NOL4: variants seen among roughly 807,000 people sequenced by gnomAD.
NOL4 encodes the protein nucleolar protein 4.
A neutral mutation model predicts 75.9 loss-of-function variants in NOL4; 17 were observed. The ratio of observed to expected loss-of-function variants is 0.22; its 90% CI spans 0.15 to 0.34. The LOEUF (loss-of-function observed/expected upper bound fraction) is 0.34. Among genes scored for constraint, NOL4 ranks in the 10% least tolerant of loss-of-function variants. The pLI, the probability that NOL4 is intolerant of heterozygous loss-of-function variation, is 1.00. For missense variants in NOL4, 614 were observed against 793.5 expected (o/e 0.77, Z 2.72); for synonymous variants, 292 against 289.9 (o/e 1.01, Z -0.07).
chr18:34,205,954 T>G (rs1343950253), intron 1 of NOL4, among the ~76,000 whole-genome samples: 1 of 152,202 alleles, frequency 6.6e-6, no homozygotes, highest in Non-Finnish European at 1.5e-5. Context: ...TAAGACATTT[T>G]ATCTTTAATA....
intron 1 of NOL4, among the ~76,000 whole-genome samples, chr18:34,204,918 T>C (rs2036014067): frequency 1.3e-5 from 2 of 152,162 alleles, no homozygotes; most frequent in East Asian, 1.9e-4. Context: ...CCATGTGAAG[T>C]AGATATCATT....
intron 5 of NOL4, among the ~76,000 whole-genome samples, chr18:34,047,224 T>C (rs1382241312): frequency 6.6e-6 from 1 of 152,136 alleles, no homozygotes; most frequent in Non-Finnish European, 1.5e-5. Context: ...AACACCCAAG[T>C]CTGTCTATTC....
At chr18:33,988,030 G>A (rs1184822987) in intron 6 of NOL4, among the ~76,000 whole-genome samples, 2 of 152,102 alleles carry the variant, frequency 1.3e-5, no homozygotes, top group East Asian at 3.9e-4. Flanking sequence ...TTTTCCTGGA[G>A]GAGGTCAAAC....
At chr18:34,171,537 C>T (rs2033041541) in intron 1 of NOL4, among the ~76,000 whole-genome samples, 2 of 152,116 alleles carry the variant, frequency 1.3e-5, no homozygotes, top group Non-Finnish European at 2.9e-5. Context: ...ACTTTGTACC[C>T]TCCTTCAAGA....
At chr18:34,194,426 GGGAAGGAA>G (rs796904055) in intron 1 of NOL4, among the ~76,000 whole-genome samples, 9 of 128,088 alleles carry the variant, frequency 7.0e-5, no homozygotes, top group South Asian at 5.2e-4. Flanking sequence ...GAGGGAGGGA[GGGAAGGAA>G]GGAAGGAAGG....
At chr18:33,932,422 C>G (rs1221969700) in intron 9 of NOL4, among the ~76,000 whole-genome samples, 1 of 151,898 alleles carries the variant, frequency 6.6e-6, no homozygotes, top group Non-Finnish European at 1.5e-5. Flanking sequence ...TAAAATTCAT[C>G]TTTTATAGGA....
chr18:33,954,992 T>C (rs1488533394), intron 8 of NOL4, among the ~76,000 whole-genome samples: 1 of 151,992 alleles, frequency 6.6e-6, no homozygotes, highest in Non-Finnish European at 1.5e-5. Flanking sequence ...GGATGGTAAA[T>C]GACAACTATA....
intron 1 of NOL4, among the ~76,000 whole-genome samples, chr18:34,181,538 A>G (rs1436388622): frequency 2.0e-5 from 3 of 151,652 alleles, no homozygotes; most frequent in African/African-American, 7.2e-5. Flanking sequence ...TGACATATAC[A>G]GTATAAGCAG....
chr18:34,222,709 G>C (rs912288501), intron 1 of NOL4, among the ~76,000 whole-genome samples: 3 of 152,186 alleles, frequency 2.0e-5, no homozygotes, highest in African/African-American at 7.2e-5. Context: ...CCGACCCGGG[G>C]AAGGAAGCTC....
intron 9 of NOL4, among the ~76,000 whole-genome samples, chr18:33,929,244 T>A (rs1269911218): frequency 6.6e-6 from 1 of 152,138 alleles, no homozygotes; most frequent in Non-Finnish European, 1.5e-5. Context: ...TTCACAACAA[T>A]CTCAAGTTTC....
At chr18:34,168,715 A>C (rs2032702574) in intron 1 of NOL4, among the ~76,000 whole-genome samples, 1 of 151,862 alleles carries the variant, frequency 6.6e-6, no homozygotes, top group African/African-American at 2.4e-5. Flanking sequence ...TAGGAGTCAA[A>C]GGATTAGCAG....
At chr18:33,896,556 G>A (rs1426543170) in intron 9 of NOL4, among the ~76,000 whole-genome samples, 1 of 152,144 alleles carries the variant, frequency 6.6e-6, no homozygotes, top group East Asian at 1.9e-4. Context: ...AATAAATGAT[G>A]CTGGGATAAT....
intron 9 of NOL4, among the ~76,000 whole-genome samples, chr18:33,885,154 CTTT>C (rs35426921): frequency 4.6e-5 from 7 of 151,960 alleles, no homozygotes; most frequent in Non-Finnish European, 8.8e-5. Flanking sequence ...CCAAGCATTA[CTTT>C]TTTTAAAAAA....
At chr18:34,193,029 T>C (rs2035035362) in intron 1 of NOL4, among the ~76,000 whole-genome samples, 1 of 152,160 alleles carries the variant, frequency 6.6e-6, no homozygotes, top group Non-Finnish European at 1.5e-5. Flanking sequence ...AAATTTCTAG[T>C]CTTTATAAAC....
intron 2 of NOL4, among the ~76,000 whole-genome samples, chr18:34,109,563 A>G (rs1485234398): frequency 6.6e-6 from 1 of 152,006 alleles, no homozygotes; most frequent in African/African-American, 2.4e-5. Context: ...AATTTTTAAA[A>G]GAAGAAAAAA....
At chr18:33,998,353 T>C (rs1421274843) in intron 6 of NOL4, among the ~76,000 whole-genome samples, 1 of 152,094 alleles carries the variant, frequency 6.6e-6, no homozygotes, top group African/African-American at 2.4e-5. Context: ...ATATAAACCA[T>C]AGATTTGCTT....
At chr18:34,052,196 A>G (rs2076651122) in intron 5 of NOL4, among the ~76,000 whole-genome samples, 1 of 152,088 alleles carries the variant, frequency 6.6e-6, no homozygotes, top group African/African-American at 2.4e-5. Context: ...AAATTTGTCT[A>G]ATAACTAATC....
chr18:33,875,332 C>A (rs1277885365), intron 10 of NOL4, among the ~76,000 whole-genome samples: 1 of 151,920 alleles, frequency 6.6e-6, no homozygotes, highest in African/African-American at 2.4e-5. Flanking sequence ...TGAATAAATT[C>A]TTTATACAGA....
At chr18:33,978,800 T>G (rs1308438500) in intron 6 of NOL4, among the ~76,000 whole-genome samples, 2 of 151,810 alleles carry the variant, frequency 1.3e-5, no homozygotes, top group African/African-American at 4.8e-5. Flanking sequence ...TAAATAATTA[T>G]TATATTTTTG....
Sources: gnomAD v4.1 joint callset for allele counts (sites outside exome capture counted in the v4.1 genomes callset) on GRCh38, gnomAD v4.1.1 for gene constraint, MANE v1.5 for transcripts, NCBI Gene and HGNC (gene_info 2026-07-23, HGNC 2026-07-21) for gene names.